The following GLIS3 variants were observed in gnomAD, a reference collection of about 807,000 sequenced individuals.
The protein encoded by GLIS3 is zinc finger protein GLIS3.
A neutral mutation model predicts 78.6 loss-of-function variants in GLIS3; 53 were observed. That is an observed-to-expected ratio of 0.67 (90% confidence interval 0.54 to 0.85). The LOEUF (loss-of-function observed/expected upper bound fraction) is 0.85. Among genes scored for constraint, GLIS3 ranks in the 40% least tolerant of loss-of-function variants. The probability of loss-of-function intolerance (pLI) is 0.00; values close to 1 mark genes in which losing one functional copy is unlikely to be tolerated. For synonymous variants in GLIS3, 684 were observed against 509.9 expected, an observed-to-expected ratio of 1.34 and a Z score of -4.60; for missense variants, 1,703 against 1,231.1, an observed-to-expected ratio of 1.38 and a Z score of -5.74.
At chr9:3,863,038 A>C (rs1820324834) in intron 8 of GLIS3, among the ~76,000 whole-genome samples, 1 of 152,168 alleles carries the variant, frequency 6.6e-6, no homozygotes, top group Admixed American at 6.5e-5. Context: ...GAAGAAAGGA[A>C]TCCTTTTCAA....
chr9:4,307,459 G>T (rs1817256229), intron 4 of GLIS3, among the ~76,000 whole-genome samples: 1 of 152,066 alleles, frequency 6.6e-6, no homozygotes, highest in African/African-American at 2.4e-5. Flanking sequence ...ATCTCCACAG[G>T]ATGACCTTTA....
the GLIS3 span, among the ~76,000 whole-genome samples, chr9:4,447,660 G>A: frequency 6.6e-6 from 1 of 152,056 alleles, no homozygotes; most frequent in Non-Finnish European, 1.5e-5. Flanking sequence ...ACTGACCTTT[G>A]CCTCCAGGTA....
chr9:4,183,683 A>C (rs1817526535), intron 2 of GLIS3, among the ~76,000 whole-genome samples: 1 of 152,220 alleles, frequency 6.6e-6, no homozygotes, highest in African/African-American at 2.4e-5. Flanking sequence ...TGTTAAGTAC[A>C]TCTTACAAAA....
intron 2 of GLIS3, among the ~76,000 whole-genome samples, chr9:4,247,138 C>G (rs1299375890): frequency 6.6e-6 from 1 of 152,178 alleles, no homozygotes; most frequent in Non-Finnish European, 1.5e-5. Context: ...GCGATAAAAG[C>G]AGACTCCCTC....
chr9:3,920,619 T>TG (rs1250856695), intron 6 of GLIS3, among the ~76,000 whole-genome samples: 7 of 151,460 alleles, frequency 4.6e-5, no homozygotes, highest in Admixed American at 2.0e-4. Context: ...GTTTTTTTTT[T>TG]TTTTTTTTTA....
chr9:3,910,676 G>C (rs1230019525), intron 6 of GLIS3, among the ~76,000 whole-genome samples: 1 of 152,210 alleles, frequency 6.6e-6, no homozygotes, highest in Non-Finnish European at 1.5e-5. Flanking sequence ...TAGGTGGAAA[G>C]AGCTTGAGGC....
chr9:4,447,265 C>T, the GLIS3 span, among the ~76,000 whole-genome samples: 1 of 151,978 alleles, frequency 6.6e-6, no homozygotes, highest in Non-Finnish European at 1.5e-5. Context: ...TCAGGCTGGT[C>T]TCAAACTCCT....
At chr9:4,083,435 C>A (rs1352852018) in intron 4 of GLIS3, among the ~76,000 whole-genome samples, 1 of 152,018 alleles carries the variant, frequency 6.6e-6, no homozygotes, top group Non-Finnish European at 1.5e-5. Context: ...CAGCTCCCAG[C>A]CTTGAATTTG....
At chr9:4,236,713 G>A (rs149170892) in intron 2 of GLIS3, among the ~76,000 whole-genome samples, 10 of 152,268 alleles carry the variant, frequency 6.6e-5, no homozygotes, top group African/African-American at 2.4e-4. Flanking sequence ...CCCCCACTAT[G>A]TGTAAGGCAA....
chr9:3,905,643 G>A (rs555521606), intron 6 of GLIS3, among the ~76,000 whole-genome samples: 4 of 152,184 alleles, frequency 2.6e-5, no homozygotes, highest in Admixed American at 1.3e-4. Context: ...CCAGGGCCCC[G>A]TCTCCTTTCC....
At chr9:4,274,865 G>A (rs937153343) in intron 2 of GLIS3, among the ~76,000 whole-genome samples, 4 of 152,158 alleles carry the variant, frequency 2.6e-5, no homozygotes, top group African/African-American at 9.7e-5. Context: ...AGGTCCTGGG[G>A]GAGGCTAAAA....
At chr9:4,177,391 G>C (rs1019645368) in intron 2 of GLIS3, among the ~76,000 whole-genome samples, 1 of 152,134 alleles carries the variant, frequency 6.6e-6, no homozygotes, top group Non-Finnish European at 1.5e-5. Flanking sequence ...AACACTTGGG[G>C]CTAATCACTT....
chr9:4,426,242 A>G, the GLIS3 span, among the ~76,000 whole-genome samples: 1 of 152,178 alleles, frequency 6.6e-6, no homozygotes, highest in East Asian at 1.9e-4. Context: ...GGCTGAGTCG[A>G]TTTTAGAAGC....
intron 2 of GLIS3, among the ~76,000 whole-genome samples, chr9:4,168,204 C>G (rs1164501320): frequency 6.6e-6 from 1 of 152,152 alleles, no homozygotes; most frequent in African/African-American, 2.4e-5. Flanking sequence ...GACGCACACA[C>G]ACACACATAC....
intron 4 of GLIS3, among the ~76,000 whole-genome samples, chr9:4,095,410 T>C (rs1829860317): frequency 6.6e-6 from 1 of 152,180 alleles, no homozygotes; most frequent in Admixed American, 6.5e-5. Flanking sequence ...TTGCCTTCAC[T>C]AGTAAGTAGA....
intron 9 of GLIS3, among the ~76,000 whole-genome samples, chr9:3,853,951 A>T (rs561199757): frequency 1.4e-4 from 22 of 152,346 alleles, no homozygotes; most frequent in African/African-American, 5.0e-4. Context: ...TCTAGATAGC[A>T]CCAGAAAGAA....
At chr9:4,315,978 G>A (rs1274283204) in intron 2 of GLIS3, among the ~76,000 whole-genome samples, 1 of 152,156 alleles carries the variant, frequency 6.6e-6, no homozygotes, top group Non-Finnish European at 1.5e-5. Flanking sequence ...TTTTAGAAAG[G>A]AAGCAGGATA....
In GLIS3 at chr9:4,118,363, A is replaced by G. The variant is rs1831885275; in HGVS notation, c.1115T>C (p.Val372Ala). 2 of 1,589,484 alleles carry G rather than the reference A, an allele frequency of 1.3e-6. No homozygotes were observed. Among genetic ancestry groups the G allele is most frequent in the East Asian group, 4.6e-5 (2 of 43,704 alleles). Residue 372 changes from valine to alanine, a missense_variant, in exon 4 of 11, where the codon GTG (valine) becomes GCG (alanine). Physicochemically the swap from Val to Ala is moderately conservative, Grantham distance 64. Coordinates refer to ENST00000381971, the MANE Select transcript of GLIS3 (RefSeq NM_001042413.2). This position sits in a 1 kb window ranked among gnomAD's most constrained non-coding sequence, Gnocchi z 4.7. Reference sequence around the variant, plus strand: ...CGCCAGGCCTCCAGGGGCCACCAGCACGCCCTTCTGGCTGCCGGGCACCGG... The same window carrying G: ...CGCCAGGCCTCCAGGGGCCACCAGCGCGCCCTTCTGGCTGCCGGGCACCGG... ...PRPVPGSQKG[V>A]LVAPGGLALP...
At chr9:3,902,782 G>A (rs1440960081) in intron 6 of GLIS3, among the ~76,000 whole-genome samples, 1 of 152,224 alleles carries the variant, frequency 6.6e-6, no homozygotes, top group Non-Finnish European at 1.5e-5. Flanking sequence ...TTTATGGAAA[G>A]AGGAAATGAA....
Sources: gnomAD v4.1 joint callset for allele counts (sites outside exome capture counted in the v4.1 genomes callset) on GRCh38, gnomAD v4.1.1 for gene constraint, Gnocchi (gnomAD v3.1) non-coding constraint, MANE v1.5 for transcripts, NCBI Gene and HGNC (gene_info 2026-07-23, HGNC 2026-07-21) for gene names.